The following ANKHD1 variants were observed in gnomAD, a reference collection of about 807,000 sequenced individuals.
ANKHD1 encodes ankyrin repeat and KH domain containing 1, also known as ankyrin repeat and KH domain-containing protein 1.
In ANKHD1, 31 loss-of-function variants were observed where a neutral mutation model predicts 230.5. That is an observed-to-expected ratio of 0.13 (90% CI 0.10 to 0.18). The LOEUF is 0.18. Ranked by LOEUF, ANKHD1 falls within the 10% of genes least tolerant of loss-of-function variation. The pLI is 1.00. For synonymous variants in ANKHD1, 1,074 were observed against 1,117.6 expected, an observed-to-expected ratio of 0.96 and a Z score of 0.78; for missense variants, 2,256 against 3,071.3, an observed-to-expected ratio of 0.73 and a Z score of 6.27.
At chr5:140,461,046 C>A (rs1470578641) in intron 9 of ANKHD1, among the ~76,000 whole-genome samples, 2 of 152,094 alleles carry the variant, frequency 1.3e-5, no homozygotes, top group South Asian at 4.1e-4. Context: ...TAAAGTCGTG[C>A]TATTGTAACG....
chr5:140,464,622 A>C, intron 9 of ANKHD1, 45 bp from the exon 10 acceptor site: 1 of 1,470,130 alleles, frequency 6.8e-7, no homozygotes, highest in South Asian at 1.5e-5. Flanking sequence ...TATCTAATAC[A>C]ATTTTACAGT....
chr5:140,408,773 C>T (rs902630441), intron 1 of ANKHD1, among the ~76,000 whole-genome samples: 14 of 152,204 alleles, frequency 9.2e-5, no homozygotes, highest in East Asian at 1.9e-4. Context: ...CTACACAGTG[C>T]GGTGGCATGG....
chr5:140,416,284 A>C (rs1771382393), intron 1 of ANKHD1, among the ~76,000 whole-genome samples: 1 of 152,206 alleles, frequency 6.6e-6, no homozygotes, highest in African/African-American at 2.4e-5. Flanking sequence ...ATGATTTATA[A>C]TCCTTTGGGT....
intron 1 of ANKHD1, among the ~76,000 whole-genome samples, chr5:140,404,957 C>T (rs1408893832): frequency 7.4e-6 from 1 of 135,714 alleles, no homozygotes; most frequent in Admixed American, 8.2e-5. Flanking sequence ...CTCTTTCTGA[C>T]TGTGCATGTC....
At chr5:140,498,720 A>G (rs1752145718) in intron 15 of ANKHD1, among the ~76,000 whole-genome samples, 1 of 152,178 alleles carries the variant, frequency 6.6e-6, no homozygotes, top group Admixed American at 6.5e-5. Context: ...TACGAATAAT[A>G]ATGATGAAAC....
At chr5:140,470,975 C>G (rs1482198723) in intron 10 of ANKHD1, among the ~76,000 whole-genome samples, 3 of 151,972 alleles carry the variant, frequency 2.0e-5, no homozygotes, top group Admixed American at 2.0e-4. Context: ...TTACTGCTCC[C>G]TTATCTGCAA....
At position 140,539,613 on chromosome 5, in the gene ANKHD1, C is replaced by A; in HGVS notation, c.*195C>A. ...CTCTGGTTAGTTTAGCCATTTTGAA[C>A]TTAAGATCATATGACCTTAGTGCTT... On this transcript the variant is annotated 3_prime_UTR_variant, in exon 34 of 34. Transcript: ENST00000360839. 2 of 585,092 alleles carry A rather than the reference C, an allele frequency of 3.4e-6. No homozygotes were observed. Among genetic ancestry groups the A allele is most frequent in the Non-Finnish European group, 5.7e-6 (2 of 352,020 alleles). The allele number at this position is 585,092 out of a possible 1,614,324, so 36.2% of individuals were successfully genotyped here. A position where few individuals can be genotyped will look rare whatever the true frequency, so the allele number is the denominator to read the frequency against.
At chr5:140,466,512 A>G (rs1175681546) in intron 10 of ANKHD1, among the ~76,000 whole-genome samples, 1 of 152,238 alleles carries the variant, frequency 6.6e-6, no homozygotes, top group East Asian at 1.9e-4. Flanking sequence ...ACATTTTTAA[A>G]TATTTTATTT....
At chr5:140,517,992 C>T (rs1175004512) in intron 24 of ANKHD1, among the ~76,000 whole-genome samples, 6 of 151,230 alleles carry the variant, frequency 4.0e-5, no homozygotes, top group Admixed American at 2.0e-4. Context: ...AAAAAATTAA[C>T]GAATCCAGGA....
intron 20 of ANKHD1, 22 bp from the exon 21 acceptor site, chr5:140,509,615 C>T (rs771839531): frequency 6.7e-7 from 1 of 1,487,646 alleles, no homozygotes; most frequent in Non-Finnish European, 8.9e-7. Flanking sequence ...AACTTAGTTG[C>T]ATAATTTATT....
intron 30 of ANKHD1, 36 bp from the exon 31 acceptor site, chr5:140,537,353 C>T: frequency 1.9e-6 from 3 of 1,608,606 alleles, no homozygotes; most frequent in Non-Finnish European, 2.5e-6. Flanking sequence ...TCTCCTATTC[C>T]ATCTGTTTCT....
chr5:140,505,296 T>C (rs1056100833), intron 17 of ANKHD1, 63 bp downstream of exon 17: 2 of 1,532,834 alleles, frequency 1.3e-6, no homozygotes, highest in African/African-American at 2.8e-5. Flanking sequence ...AACTTTTTTA[T>C]TATTGATAAA....
intron 1 of ANKHD1, among the ~76,000 whole-genome samples, chr5:140,424,158 T>G (rs1216655006): frequency 6.6e-6 from 1 of 152,098 alleles, no homozygotes; most frequent in East Asian, 1.9e-4. Context: ...TTATATACCC[T>G]GGTATATATA....
chr5:140,530,048 C>G (rs1389964688), intron 29 of ANKHD1, among the ~76,000 whole-genome samples: 1 of 150,890 alleles, frequency 6.6e-6, no homozygotes, highest in Non-Finnish European at 1.5e-5. Context: ...AATTTACAGA[C>G]TTAAAAAAAA....
intron 7 of ANKHD1, among the ~76,000 whole-genome samples, chr5:140,454,206 T>A (rs1384899096): frequency 1.3e-5 from 2 of 152,116 alleles, no homozygotes; most frequent in Admixed American, 1.3e-4. Context: ...CCCAGATTCA[T>A]AAAGCAAGTC....
At chr5:140,415,954 C>T (rs886492043) in intron 1 of ANKHD1, among the ~76,000 whole-genome samples, 1 of 151,996 alleles carries the variant, frequency 6.6e-6, no homozygotes, top group African/African-American at 2.4e-5. Context: ...GACCCCACGA[C>T]AGGCCCCGGT....
intron 24 of ANKHD1, among the ~76,000 whole-genome samples, chr5:140,523,360 A>G (rs1753447908): frequency 6.6e-6 from 1 of 151,930 alleles, no homozygotes; most frequent in South Asian, 2.1e-4. Flanking sequence ...TTTCCTCCTC[A>G]GTCTCCCAAA....
At chr5:140,455,710 T>G (rs972499806) in intron 7 of ANKHD1, among the ~76,000 whole-genome samples, 26 of 152,296 alleles carry the variant, frequency 1.7e-4, no homozygotes, top group Admixed American at 1.4e-3. Flanking sequence ...TGATGGGACA[T>G]ATCTCAAAAT....
chr5:140,517,533 C>G (rs1245444134), intron 24 of ANKHD1, among the ~76,000 whole-genome samples: 5 of 122,904 alleles, frequency 4.1e-5, no homozygotes, highest in Admixed American at 8.7e-5. Flanking sequence ...TGACCACATA[C>G]TTGGAAGTAA....
Sources: gnomAD v4.1 joint callset for allele counts (sites outside exome capture counted in the v4.1 genomes callset) on GRCh38, gnomAD v4.1.1 for gene constraint, MANE v1.5 for transcripts, NCBI Gene and HGNC (gene_info 2026-07-23, HGNC 2026-07-21) for gene names.